Variants in PRR12 observed in about 807,000 individuals in gnomAD.
The protein encoded by PRR12 is proline rich 12.
A neutral mutation model predicts 138.0 loss-of-function variants in PRR12; 12 were observed. The observed-to-expected ratio is 0.09, with a 90% CI of 0.06 to 0.14. The LOEUF is 0.14. PRR12 is among the 10% of genes least tolerant of loss of function. The pLI is 1.00. For missense variants in PRR12, 2,692 were observed against 2,861.3 expected (o/e 0.94, Z 1.35); for synonymous variants, 1,567 against 1,291.7 (o/e 1.21, Z -4.57).
intron 4 of PRR12, among the ~76,000 whole-genome samples, chr19:49,598,223 G>A (rs906983146): frequency 7.9e-5 from 12 of 152,012 alleles, no homozygotes; most frequent in African/African-American, 2.9e-4. Context: ...ACAGTTGCCC[G>A]CCACCACGCC....
In PRR12 at chr19:49,616,168, C is replaced by T; in HGVS notation, c.5446C>T (p.Pro1816Ser). ...CAACGCTACAGCAGGCGGGGGCCCA[C>T]CAGGCAGCTCCTCGGACTCGGAGTC... Reference protein sequence around the residue: ...GGNATAGGGPPGSSSDSESSP... With the variant: ...GGNATAGGGPSGSSSDSESSP... Residue 1816 changes from proline (P) to serine (S), a missense_variant, in exon 9 of 14, where the codon CCA becomes TCA. Pro to Ser is a moderately conservative substitution (Grantham distance 74, BLOSUM62 -1). This residue lies in a region of PRR12 where 259 missense variants were observed against 265.1 expected (regional missense o/e 0.98). Coordinates refer to ENST00000418929, the MANE Select transcript of PRR12 (RefSeq NM_020719.3). This position sits in a 1 kb window ranked among gnomAD's most constrained non-coding sequence, Gnocchi z 4.2. 6.4e-7 allele frequency: 1 copy of T among 1,557,806 alleles called. No homozygotes were observed. The highest frequency in any genetic ancestry group is 8.7e-7 in the Non-Finnish European group (1 of 1,151,246).
rs575895022 is a variant in PRR12 at position 49,598,075 on chromosome 19, CTTTTT to C, written c.3678+74_3678+78del. On this transcript the variant is annotated intron_variant, in intron 4 of 13. Transcript: ENST00000418929. ...GAGGAGCTGTGTCCGATGTTTGAGT[CTTTTT>C]TTTTTTTTTTTGAGACAGAGTCTCG... 1.3e-4 allele frequency: 151 copies of C among 1,140,880 alleles called. No individual in the cohort carries two copies. The East Asian group carries it at 3.9e-3, about 29-fold the overall frequency. The allele number at this position is 1,140,880 out of a possible 1,614,324, so 70.7% of individuals were successfully genotyped here. A position where few individuals can be genotyped will look rare whatever the true frequency, so the allele number is the denominator to read the frequency against.
At position 49,591,711 on chromosome 19, in the gene PRR12, A is replaced by G. The variant is rs764476598; in HGVS notation, c.57A>G (p.Gly19=). The change falls in exon 1 of 14, where the codon GGA becomes GGG. Residue 19 remains glycine, a synonymous_variant. Coordinates refer to ENST00000418929, the MANE Select transcript of PRR12 (RefSeq NM_020719.3). ...GGGACCCGCTCGGCGCCGGGGCGGG[A>G]TGGAGTTACGAGAGGTCAGCGAAAG... The part of the protein sequence containing the change: ...GFGDPLGAGA[G]WSYERSAKAS... 97 of 1,382,226 alleles carry G rather than the reference A, an allele frequency of 7.0e-5. No individual in the cohort carries two copies. The Middle Eastern group carries it at 9.7e-4, about 14-fold the overall frequency. The allele number at this position is 1,382,226 out of a possible 1,614,324, so 85.6% of individuals were successfully genotyped here.
Position 49,596,857 on chromosome 19 carries a change from C to A in PRR12, c.2522C>A (p.Pro841Gln). 2 of 1,576,278 alleles carry A rather than the reference C, an allele frequency of 1.3e-6. No homozygotes were observed. The highest frequency in any genetic ancestry group is 2.3e-5 in the East Asian group (1 of 43,574). The change falls in exon 4 of 14, where the codon CCG (proline) becomes CAG (glutamine). Residue 841 changes from proline to glutamine, a missense_variant. Around this residue, in one of 11 missense-constraint regions of PRR12, gnomAD observed 840 missense variants for 689.8 expected, o/e 1.22. Transcript: ENST00000418929. This position sits in a 1 kb window ranked among gnomAD's most constrained non-coding sequence, Gnocchi z 5.6. ...GAPQPPPPPP[P>Q]PPPPMPLQLE... ...CCCCAGCCACCTCCACCGCCACCCC[C>A]GCCTCCACCACCCATGCCCCTGCAG...
chr19:49,607,183 C>T (rs1471385240), intron 6 of PRR12, among the ~76,000 whole-genome samples: 2 of 151,968 alleles, frequency 1.3e-5, no homozygotes, highest in African/African-American at 4.8e-5. Context: ...TTTATTTAAC[C>T]TAACATATTG....
At chr19:49,605,804 G>C (rs572378001) in intron 6 of PRR12, among the ~76,000 whole-genome samples, 1 of 152,250 alleles carries the variant, frequency 6.6e-6, no homozygotes, top group Non-Finnish European at 1.5e-5. Context: ...AGGGGAGGGG[G>C]CCAGGCGAGG....
At chr19:49,592,050 T>C in intron 1 of PRR12, among the ~76,000 whole-genome samples, 1 of 151,770 alleles carries the variant, frequency 6.6e-6, no homozygotes, top group Non-Finnish European at 1.5e-5. Flanking sequence ...CTTCCCCCCA[T>C]CCTTGGATTC....
At position 49,615,879 on chromosome 19, in the gene PRR12, T is replaced by C. The variant is rs778558246; in HGVS notation, c.5157T>C (p.Pro1719=). 4.0e-5 allele frequency: 63 copies of C among 1,586,686 alleles called. No individual in the cohort carries two copies. The highest frequency in any genetic ancestry group is 5.4e-5 in the Admixed American group (3 of 55,216). The change falls in exon 9 of 14, where the codon CCT becomes CCC. Residue 1719 remains proline, a synonymous_variant. Transcript: ENST00000418929. Reference sequence around the variant, plus strand: ...CTGAGAAGCCCCCAGAGCAGACTCCTGAGACGGCCATGCCTGAGCCCCCTG... The same window carrying C: ...CTGAGAAGCCCCCAGAGCAGACTCCCGAGACGGCCATGCCTGAGCCCCCTG... ...TTSEKPPEQT[P]ETAMPEPPAP...
At chr19:49,621,249 G>A (rs1239789266) in intron 10 of PRR12, among the ~76,000 whole-genome samples, 1 of 135,692 alleles carries the variant, frequency 7.4e-6, no homozygotes, top group Admixed American at 7.1e-5. Flanking sequence ...GAGAGAGGAG[G>A]GGCTGGGGGT....
At chr19:49,619,338 C>T (rs1488995628) in intron 9 of PRR12, among the ~76,000 whole-genome samples, 2 of 139,470 alleles carry the variant, frequency 1.4e-5, no homozygotes, top group Admixed American at 7.5e-5. Flanking sequence ...CGGGTTCAAG[C>T]GATTCTCCTG....
At chr19:49,620,303 G>A (rs755957659) in intron 9 of PRR12, 49 bp from the exon 10 acceptor site, 1 of 1,608,794 alleles carries the variant, frequency 6.2e-7, no homozygotes, top group Non-Finnish European at 8.5e-7. Flanking sequence ...CACACAGGTG[G>A]TCTCAGAGGA....
At chr19:49,623,572 C>A (rs2080936758) in intron 11 of PRR12, among the ~76,000 whole-genome samples, 1 of 150,914 alleles carries the variant, frequency 6.6e-6, no homozygotes, top group Non-Finnish European at 1.5e-5. Flanking sequence ...GCGGAGCTTG[C>A]AGTGAGCCAA....
chr19:49,599,770 G>T lies in PRR12; in HGVS notation c.4177G>T (p.Asp1393Tyr), dbSNP rs1253850220. ...DEEDSVAKNR[D>Y]LQESISSAIS... ...GGAAGACTCTGTCGCCAAGAACCGA[G>T]ACCTGCAGGAGAGCATCTCCTCCGC... is the stretch of plus-strand genomic sequence containing the variant. The change falls in exon 5 of 14, where the codon GAC becomes TAC. Residue 1393 changes from aspartate to tyrosine, a missense_variant. Physicochemically the swap from Asp to Tyr is radical, Grantham distance 160. Coordinates refer to ENST00000418929, the MANE Select transcript of PRR12 (RefSeq NM_020719.3). The surrounding 1 kb of genome is among the most constrained non-coding windows in gnomAD (Gnocchi z 5.0). 1 of 1,613,644 alleles carries T rather than the reference G, an allele frequency of 6.2e-7. No individual in the cohort carries two copies. Among genetic ancestry groups the T allele is most frequent in the Non-Finnish European group, 8.5e-7 (1 of 1,179,900 alleles).
chr19:49,622,630 G>A (rs1165464670), intron 11 of PRR12, among the ~76,000 whole-genome samples: 1 of 147,834 alleles, frequency 6.8e-6, no homozygotes, highest in South Asian at 2.1e-4. Context: ...GGTGGCTCAC[G>A]CCTGTAATCC....
intron 1 of PRR12, 86 bp downstream of exon 1, chr19:49,591,826 C>G (rs896927966): frequency 7.7e-6 from 6 of 778,912 alleles, no homozygotes; most frequent in East Asian, 6.8e-5. Flanking sequence ...GCCCGCCCGG[C>G]GACGCGTGCA....
chr19:49,602,214 A>G (rs2080816359), intron 6 of PRR12, among the ~76,000 whole-genome samples: 1 of 152,172 alleles, frequency 6.6e-6, no homozygotes, highest in Non-Finnish European at 1.5e-5. Context: ...GTTAATGTTT[A>G]TGCAGATACC....
chr19:49,623,021 A>AATGATGGG (rs1289503798), intron 11 of PRR12, among the ~76,000 whole-genome samples: 4 of 150,920 alleles, frequency 2.7e-5, no homozygotes, highest in Non-Finnish European at 5.9e-5. Context: ...GTTTTCTCAG[A>AATGATGGG]ATGATGGGTG....
At chr19:49,604,938 A>G (rs1201246829) in intron 6 of PRR12, among the ~76,000 whole-genome samples, 1 of 151,426 alleles carries the variant, frequency 6.6e-6, no homozygotes, top group Non-Finnish European at 1.5e-5. Context: ...TGCAACTTCT[A>G]CCTCCCTGGT....
At position 49,591,495 on chromosome 19, in the gene PRR12, G is replaced by T. The variant is rs1363641555; in HGVS notation, c.-160G>T. Reference sequence around the variant, plus strand: ...CTGCCCCCTCCCTCCCCCGCCCGGGGCCTTCCCGGGCCTTCGGCGGCTGCA... The same window carrying T: ...CTGCCCCCTCCCTCCCCCGCCCGGGTCCTTCCCGGGCCTTCGGCGGCTGCA... On this transcript the variant is annotated 5_prime_UTR_variant, in exon 1 of 14. Coordinates refer to ENST00000418929, the MANE Select transcript of PRR12 (RefSeq NM_020719.3). 77 of 386,702 alleles carry T rather than the reference G, an allele frequency of 2.0e-4. No individual in the cohort carries two copies. The highest frequency in any genetic ancestry group is 3.4e-4 in the Admixed American group (7 of 20,400). 24.0% of individuals were successfully genotyped at this position (386,702 alleles called of 1,614,324 possible).
Sources: gnomAD v4.1 joint callset for allele counts (sites outside exome capture counted in the v4.1 genomes callset) on GRCh38, gnomAD v4.1.1 for gene constraint, gnomAD v4.1.1 regional missense constraint, Gnocchi (gnomAD v3.1) non-coding constraint, MANE v1.5 for transcripts, NCBI Gene and HGNC (gene_info 2026-07-23, HGNC 2026-07-21) for gene names.